Variants in MPP2 observed in about 807,000 individuals in gnomAD.
MPP2 encodes MAGUK p55 subfamily member 2.
A neutral mutation model predicts 58.5 loss-of-function variants in MPP2; 42 were observed. That is an observed-to-expected ratio of 0.72 (90% CI 0.56 to 0.93). The LOEUF (loss-of-function observed/expected upper bound fraction) is 0.93. Among genes scored for constraint, MPP2 ranks in the 40% least tolerant of loss-of-function variants. The pLI is 0.00. For missense variants in MPP2, 632 were observed against 760.4 expected (o/e 0.83, Z 1.99); for synonymous variants, 300 against 307.8 (o/e 0.97, Z 0.26).
chr17:43,895,839 G>A (rs115209599), intron 3 of MPP2, among the ~76,000 whole-genome samples: 40 of 151,966 alleles, frequency 2.6e-4, no homozygotes, highest in African/African-American at 8.7e-4. Context: ...TAGGATCTTC[G>A]ATTGCTGAAT....
chr17:43,903,585 G>A (rs989818379), intron 2 of MPP2, among the ~76,000 whole-genome samples: 5 of 152,294 alleles, frequency 3.3e-5, no homozygotes, highest in Non-Finnish European at 5.9e-5. Flanking sequence ...TACTTGGGAG[G>A]CTGAGGTGGG....
chr17:43,878,053 C>A, intron 12 of MPP2, 70 bp from the exon 13 acceptor site: 1 of 1,492,710 alleles, frequency 6.7e-7, no homozygotes. Context: ...GAAGGAGCTA[C>A]AGCTGCCCCC....
upstream of MPP2, among the ~76,000 whole-genome samples, chr17:43,909,181 C>T (rs1395111406): frequency 6.6e-6 from 1 of 152,138 alleles, no homozygotes; most frequent in African/African-American, 2.4e-5. Context: ...ATTCTCCTGC[C>T]TCAGCTTCCC....
chr17:43,900,763 G>C (rs868345964), intron 2 of MPP2: 9 of 446,462 alleles, frequency 2.0e-5, no homozygotes, highest in Non-Finnish European at 2.7e-5. Flanking sequence ...CGGTAACCCG[G>C]GTGGGAGAAG....
intron 3 of MPP2, among the ~76,000 whole-genome samples, chr17:43,893,793 A>T (rs2047704023): frequency 6.6e-6 from 1 of 152,232 alleles, no homozygotes; most frequent in African/African-American, 2.4e-5. Context: ...ATTGTCTTCC[A>T]CAAAACTGGT....
At chr17:43,881,371 G>A (rs1432183858) in intron 7 of MPP2, 22 bp from the exon 8 acceptor site, 3 of 1,614,114 alleles carry the variant, frequency 1.9e-6, no homozygotes, top group South Asian at 1.1e-5. Context: ...ATGAGACCAA[G>A]ATCTGCCTGA....
At position 43,877,949 on chromosome 17, in the gene MPP2, C is replaced by G; in HGVS notation, c.1517G>C (p.Ser506Thr). Residue 506 changes from serine (S) to threonine (T), a missense_variant, in exon 13 of 13, where the codon AGC becomes ACC. By Grantham distance (58) the Ser-to-Thr change is moderately conservative (BLOSUM62 1). Transcript: ENST00000269095. Reference sequence around the variant, plus strand: ...GTGCCCGTAGCCCCGCTGGATGCGGCTGCTCTCCTCCACTGTCCGTCTCAG... The same window carrying G: ...GTGCCCGTAGCCCCGCTGGATGCGGGTGCTCTCCTCCACTGTCCGTCTCAG... ...ADLRRTVEES[S>T]RIQRGYGHYF... 6.2e-7 allele frequency: 1 copy of G among 1,613,894 alleles called. No individual in the cohort carries two copies.
rs1002436978 is a variant in MPP2, at chr17:43,879,814, C to T, written c.1321G>A (p.Gly441Arg). Residue 441 changes from glycine to arginine, a missense_variant, in exon 11 of 13, where the codon GGG (glycine) becomes AGG (arginine). Gly to Arg is a moderately radical substitution (Grantham distance 125). Coordinates refer to ENST00000269095, the MANE Select transcript of MPP2 (RefSeq NM_005374.5). The surrounding 1 kb of genome is among the most constrained non-coding windows in gnomAD (Gnocchi z 4.1). ...TTGACATCCAGCACGCACACCTTCC[C>T]AGCAGCGACCACGCCCCGGATGGAG... ...IDSIRGVVAA[G>R]KVCVLDVNPQ... The T allele has an allele frequency of 8.1e-6, 13 of 1,613,708 alleles. No homozygotes were observed. The highest frequency in any genetic ancestry group is 1.1e-5 in the Non-Finnish European group (13 of 1,179,900).
intron 6 of MPP2, 25 bp from the exon 7 acceptor site, chr17:43,881,614 T>C (rs1236379503): frequency 7.6e-5 from 122 of 1,606,024 alleles, no homozygotes; most frequent in Non-Finnish European, 1.0e-4. Context: ...CAGCAAAGGG[T>C]CGGGGGAAGG....
intron 3 of MPP2, among the ~76,000 whole-genome samples, chr17:43,886,114 A>T (rs1285653062): frequency 1.3e-5 from 2 of 151,982 alleles, no homozygotes; most frequent in East Asian, 3.9e-4. Flanking sequence ...TTTCCAAAAA[A>T]AAAAATTAAA....
intron 6 of MPP2, among the ~76,000 whole-genome samples, chr17:43,882,035 C>G (rs993790396): frequency 6.6e-6 from 1 of 152,238 alleles, no homozygotes; most frequent in African/African-American, 2.4e-5. Flanking sequence ...ATAATGCAGG[C>G]GCTCTCTCAT....
At chr17:43,907,677 G>C (rs1357767316), upstream of MPP2, 6 of 985,578 alleles carry the variant, frequency 6.1e-6, no homozygotes, top group Non-Finnish European at 6.0e-6. Context: ...GCTGGTACGG[G>C]GGCAGCCAGG....
In MPP2 at chr17:43,881,479, C is replaced by T; in HGVS notation, c.792G>A (p.Gln264=). 2 of 1,614,154 alleles carry T rather than the reference C, an allele frequency of 1.2e-6. No individual in the cohort carries two copies. The highest frequency in any genetic ancestry group is 1.7e-6 in the Non-Finnish European group (2 of 1,180,010). ...TCACCTGCCACCAGTTGGCATCATC[C>T]TGGTTTACGATCTGGAGCAAGTCCC... The part of the protein sequence containing the change: ...NAGDLLQIVN[Q]DDANWWQACH... Residue 264 remains glutamine (Q), a synonymous_variant, in exon 7 of 13, where the codon CAG becomes CAA. Coordinates refer to ENST00000269095, the MANE Select transcript of MPP2 (RefSeq NM_005374.5).
chr17:43,894,671 G>A (rs1232062198), intron 3 of MPP2, among the ~76,000 whole-genome samples: 4 of 150,488 alleles, frequency 2.7e-5, no homozygotes, highest in African/African-American at 9.8e-5. Context: ...AGTCATGGTG[G>A]CTCATGCCTA....
At chr17:43,900,301 A>G (rs374285030) in intron 2 of MPP2, among the ~76,000 whole-genome samples, 28 of 152,164 alleles carry the variant, frequency 1.8e-4, no homozygotes, top group African/African-American at 6.5e-4. Flanking sequence ...TCCGTTATCT[A>G]GGGGAGGACT....
At chr17:43,897,388 G>A (rs2047888797) in intron 3 of MPP2, among the ~76,000 whole-genome samples, 1 of 152,204 alleles carries the variant, frequency 6.6e-6, no homozygotes, top group African/African-American at 2.4e-5. Flanking sequence ...GACTGAGGCA[G>A]AAGAATCACT....
rs113231650 is a variant in MPP2, at chr17:43,899,195, T to G, written c.32-815A>C. Among the ~76,000 whole-genome samples the G allele has an allele frequency of 8.6e-3, 1,302 of 152,104 alleles. 15 individuals carry two copies. The highest frequency in any genetic ancestry group is 0.029 in the African/African-American group (1,201 of 41,408). ...CCAGGAGGCGGAGGTTGCAGTAAGC[T>G]GAGATCCTGCCATTGCCCTCCATCC... On this transcript the variant is annotated intron_variant, in intron 2 of 12. Coordinates refer to ENST00000269095, the MANE Select transcript of MPP2 (RefSeq NM_005374.5).
At chr17:43,902,315 G>A (rs1391425748) in intron 2 of MPP2, among the ~76,000 whole-genome samples, 1 of 152,030 alleles carries the variant, frequency 6.6e-6, no homozygotes, top group South Asian at 2.1e-4. Flanking sequence ...CAAGTGGTCT[G>A]CAACAACGAA....
intron 3 of MPP2, among the ~76,000 whole-genome samples, chr17:43,889,360 C>CTT (rs397748293): frequency 4.7e-4 from 63 of 135,146 alleles, no homozygotes; most frequent in African/African-American, 9.3e-4. Flanking sequence ...AAATCACCAT[C>CTT]TTTTTTTTTT....
Sources: allele counts gnomAD v4.1 joint callset (sites outside exome capture counted in the v4.1 genomes callset), GRCh38; gene constraint gnomAD v4.1.1; non-coding constraint Gnocchi (gnomAD v3.1); transcripts MANE v1.5; gene names NCBI Gene and HGNC (gene_info 2026-07-23, HGNC 2026-07-21).